Variants in EDC3 observed in about 807,000 individuals in gnomAD.
EDC3 encodes enhancer of mRNA decapping 3.
EDC3 carries 20 observed loss-of-function variants against 41.8 expected under a neutral mutation model. That is an observed-to-expected ratio of 0.48 (90% CI 0.34 to 0.70). The LOEUF (loss-of-function observed/expected upper bound fraction) is 0.70, where lower values mean the gene tolerates loss of function less well. Ranked by LOEUF, EDC3 falls within the 30% of genes least tolerant of loss-of-function variation. The pLI, the probability that EDC3 is intolerant of heterozygous loss-of-function variation, is 0.01. For missense variants in EDC3, 444 were observed against 636.8 expected (o/e 0.70, Z 3.26); for synonymous variants, 206 against 243.2 (o/e 0.85, Z 1.42).
chr15:74,677,506 G>A (rs1381602119), intron 1 of EDC3, among the ~76,000 whole-genome samples: 1 of 151,822 alleles, frequency 6.6e-6, no homozygotes, highest in Non-Finnish European at 1.5e-5. Context: ...TGGGACTACA[G>A]ACACGTGCCA....
Position 74,675,110 on chromosome 15 carries a change from C to G in EDC3, c.15G>C (p.Trp5Cys). MATD[W>C]LGSIVSINCG... ...AATTGATGGACACAATACTTCCCAGCCAATCTGTAGCCATGTTTCACACGT... is the reference window on the plus strand; with the variant it reads ...AATTGATGGACACAATACTTCCCAGGCAATCTGTAGCCATGTTTCACACGT... Residue 5 changes from tryptophan to cysteine, a missense_variant, in exon 2 of 7, where the codon TGG becomes TGC. Trp to Cys is a radical substitution (Grantham distance 215). This residue lies in a region of EDC3 where 200 missense variants were observed against 244.0 expected (regional missense o/e 0.82). Coordinates refer to ENST00000315127, the MANE Select transcript of EDC3 (RefSeq NM_025083.5). The G allele has an allele frequency of 6.2e-7, 1 of 1,613,386 alleles. No individual in the cohort carries two copies. Among genetic ancestry groups the G allele is most frequent in the Non-Finnish European group, 8.5e-7 (1 of 1,180,036 alleles).
rs557976717 is a variant in EDC3 at position 74,686,830 on chromosome 15, T to C, written c.-19+9050A>G. ...AGGGGCAAAAAAGCATATACAGCACTCCTCCAGGCCAGCCGCAATGGCTCA... is the reference window on the plus strand; with the variant it reads ...AGGGGCAAAAAAGCATATACAGCACCCCTCCAGGCCAGCCGCAATGGCTCA... On this transcript the variant is annotated intron_variant, in intron 1 of 6. Coordinates refer to ENST00000315127, the MANE Select transcript of EDC3 (RefSeq NM_025083.5). 2.0e-5 allele frequency among the ~76,000 whole-genome samples: 3 copies of C among 151,334 alleles called. No homozygotes were observed. The East Asian group carries it at 5.9e-4, about 30-fold the overall frequency.
chr15:74,689,039 T>C (rs1201643601), intron 1 of EDC3, among the ~76,000 whole-genome samples: 1 of 152,230 alleles, frequency 6.6e-6, no homozygotes, highest in Non-Finnish European at 1.5e-5. Context: ...CTACTGCTGA[T>C]ACATAGTTGG....
chr15:74,681,380 T>G (rs1343092701), intron 1 of EDC3, among the ~76,000 whole-genome samples: 1 of 151,900 alleles, frequency 6.6e-6, no homozygotes, highest in Non-Finnish European at 1.5e-5. Context: ...CTTGAACTCC[T>G]GACCCCATGA....
At chr15:74,657,197 C>G (rs2062559558) in intron 3 of EDC3, among the ~76,000 whole-genome samples, 1 of 152,252 alleles carries the variant, frequency 6.6e-6, no homozygotes, top group Admixed American at 6.5e-5. Context: ...CTGTGGATGG[C>G]AGAGCTAAAA....
In EDC3 at chr15:74,655,986, G is replaced by A. The variant is rs141268344; in HGVS notation, c.567C>T (p.Asp189=). The change falls in exon 4 of 7, where the codon GAC becomes GAT. Residue 189 remains aspartate (D), a synonymous_variant. Transcript: ENST00000315127. ...LKNGQMKNKD[D]ECFGDDIEEI... ...CCTCAATATCATCCCCGAAGCACTCGTCATCTTTATTCTTCATCTGGCCAT... is the reference window on the plus strand; with the variant it reads ...CCTCAATATCATCCCCGAAGCACTCATCATCTTTATTCTTCATCTGGCCAT... 6.6e-5 allele frequency: 106 copies of A among 1,613,788 alleles called. No individual in the cohort carries two copies. The highest frequency in any genetic ancestry group is 8.5e-5 in the Non-Finnish European group (100 of 1,179,988).
chr15:74,658,666 C>T (rs578256509), intron 3 of EDC3, among the ~76,000 whole-genome samples: 133 of 142,160 alleles, frequency 9.4e-4, no homozygotes, highest in Non-Finnish European at 1.5e-3. Context: ...CAAGGCCAGG[C>T]GCGGGGGCTC....
intron 2 of EDC3, among the ~76,000 whole-genome samples, chr15:74,673,875 A>G (rs1302725657): frequency 9.2e-5 from 14 of 151,908 alleles, no homozygotes; most frequent in Non-Finnish European, 1.5e-5. Context: ...GGTCTCATTA[A>G]CATATAGAGT....
chr15:74,632,927 C>T lies in EDC3; in HGVS notation c.1212G>A (p.Val404=), dbSNP rs761542454. Residue 404 remains valine (V), a synonymous_variant, in exon 7 of 7, where the codon GTG becomes GTA. Coordinates refer to ENST00000315127, the MANE Select transcript of EDC3 (RefSeq NM_025083.5). The surrounding 1 kb of genome is among the most constrained non-coding windows in gnomAD (Gnocchi z 4.0). ...AATCCAGGCAGTTGATGACCAGGTC[C>T]ACAGGGCTAGTGGGCAGATCTGCAG... is the stretch of plus-strand genomic sequence containing the variant. The part of the protein sequence containing the change: ...SSLKDLPTSP[V]DLVINCLDCP... The T allele has an allele frequency of 5.0e-6, 8 of 1,614,130 alleles. No homozygotes were observed. The highest frequency in any genetic ancestry group is 5.9e-6 in the Non-Finnish European group (7 of 1,179,960).
chr15:74,669,034 G>A (rs1319304663), intron 3 of EDC3, among the ~76,000 whole-genome samples: 2 of 151,914 alleles, frequency 1.3e-5, no homozygotes, highest in African/African-American at 2.4e-5. Context: ...TCATGAGTTC[G>A]AAATCAGCTT....
intron 4 of EDC3, among the ~76,000 whole-genome samples, chr15:74,654,740 G>A (rs935072515): frequency 6.6e-6 from 1 of 150,642 alleles, no homozygotes; most frequent in African/African-American, 2.4e-5. Flanking sequence ...GCACATGCAA[G>A]CTACTATACT....
At chr15:74,640,727 A>T in intron 4 of EDC3, 108 bp from the exon 5 acceptor site, 1 of 1,388,304 alleles carries the variant, frequency 7.2e-7, no homozygotes, top group Non-Finnish European at 9.9e-7. Flanking sequence ...ACCATGGATC[A>T]CCCCTGGCCC....
At chr15:74,678,220 T>C (rs1334619909) in intron 1 of EDC3, among the ~76,000 whole-genome samples, 5 of 152,210 alleles carry the variant, frequency 3.3e-5, no homozygotes, top group Non-Finnish European at 5.9e-5. Context: ...TGAACCCTAA[T>C]GTTAACTATG....
At chr15:74,661,855 CT>C (rs1193695150) in intron 3 of EDC3, among the ~76,000 whole-genome samples, 2 of 151,808 alleles carry the variant, frequency 1.3e-5, no homozygotes, top group Non-Finnish European at 2.9e-5. Flanking sequence ...AGGAGTATTC[CT>C]TTTTAAAAAT....
Position 74,632,978 on chromosome 15 carries a change from C to G in EDC3, c.1193-32G>C, listed in dbSNP as rs2062230648. 2.5e-6 allele frequency: 4 copies of G among 1,605,318 alleles called. No individual in the cohort carries two copies. The highest frequency in any genetic ancestry group is 3.4e-6 in the Non-Finnish European group (4 of 1,174,504). On this transcript the variant is annotated intron_variant, in intron 6 of 6. Transcript: ENST00000315127. This position sits in a 1 kb window ranked among gnomAD's most constrained non-coding sequence, Gnocchi z 4.0. ...GTGGAAAGAGTGCCATCTGAAAGTC[C>G]CTATGAGCAGAGAGCAGCCCAGGCT... is the stretch of plus-strand genomic sequence containing the variant.
At chr15:74,665,497 A>T (rs753835595) in intron 3 of EDC3, among the ~76,000 whole-genome samples, 2 of 152,296 alleles carry the variant, frequency 1.3e-5, no homozygotes, top group Non-Finnish European at 2.9e-5. Context: ...ATGGGATTTG[A>T]TAAATATGAA....
intron 3 of EDC3, among the ~76,000 whole-genome samples, chr15:74,669,676 T>A (rs2062717723): frequency 6.6e-6 from 1 of 152,064 alleles, no homozygotes; most frequent in South Asian, 2.1e-4. Flanking sequence ...GACCACAGTG[T>A]GAGGAGCAAC....
At chr15:74,694,829 T>C (rs75867316) in intron 1 of EDC3, among the ~76,000 whole-genome samples, 3,548 of 152,280 alleles carry the variant, frequency 0.023, 140 homozygotes, top group African/African-American at 0.081. Context: ...GACACTTTTC[T>C]AGCCCCACAG....
At chr15:74,680,948 T>C (rs2062864139) in intron 1 of EDC3, among the ~76,000 whole-genome samples, 1 of 152,102 alleles carries the variant, frequency 6.6e-6, no homozygotes. Flanking sequence ...TACTGAAAAC[T>C]ATGCAACACT....
Sources: allele counts gnomAD v4.1 joint callset (sites outside exome capture counted in the v4.1 genomes callset), GRCh38; gene constraint gnomAD v4.1.1; regional missense constraint gnomAD v4.1.1; non-coding constraint Gnocchi (gnomAD v3.1); transcripts MANE v1.5; gene names NCBI Gene and HGNC (gene_info 2026-07-23, HGNC 2026-07-21).